CADPS2: variants seen among roughly 807,000 people sequenced by gnomAD.
CADPS2 encodes calcium-dependent secretion activator 2.
A neutral mutation model predicts 172.5 loss-of-function variants in CADPS2; 93 were observed. The observed-to-expected ratio is 0.54, with a 90% CI of 0.46 to 0.64. The LOEUF (loss-of-function observed/expected upper bound fraction) is 0.64, where lower values mean the gene tolerates loss of function less well. CADPS2 is among the 30% of genes least tolerant of loss of function. CADPS2 has a pLI of 0.00. For synonymous variants in CADPS2, 546 were observed against 555.2 expected (o/e 0.98, Z 0.23); for missense variants, 1,420 against 1,565.9 (o/e 0.91, Z 1.57).
Position 122,541,526 on chromosome 7 carries a change from T to A in CADPS2, c.1475+13024A>T, listed in dbSNP as rs896056270. Among the ~76,000 whole-genome samples the A allele has an allele frequency of 5.0e-5, 7 of 140,256 alleles. No individual in the cohort carries two copies. The East Asian group carries it at 8.0e-4, about 16-fold the overall frequency. The allele number at this position is 140,256 out of a possible 152,430, so 92.0% of individuals were successfully genotyped here. On this transcript the variant is annotated intron_variant, in intron 8 of 29. Coordinates refer to ENST00000449022, the MANE Select transcript of CADPS2 (RefSeq NM_017954.11). The stretch of plus-strand genomic sequence containing the variant: ...CAGCCAATTTTTGTTTTTTTTTTTT[T>A]ATGCTTCTCTTATAATTCCATTTTT...
intron 9 of CADPS2, among the ~76,000 whole-genome samples, chr7:122,504,970 AG>A (rs1460145917): frequency 3.3e-5 from 5 of 152,350 alleles, no homozygotes; most frequent in African/African-American, 1.2e-4. Context: ...AGTGAGGAAA[AG>A]TGCTAATACA....
chr7:122,729,833 A>T (rs906545708), intron 2 of CADPS2, among the ~76,000 whole-genome samples: 1 of 151,672 alleles, frequency 6.6e-6, no homozygotes, highest in African/African-American at 2.4e-5. Context: ...AACCTAAATC[A>T]CAGAGGTACT....
chr7:122,570,939 C>T lies in CADPS2; in HGVS notation c.1335+10240G>A, dbSNP rs556318284. Among the ~76,000 whole-genome samples the T allele has an allele frequency of 4.8e-3, 735 of 151,886 alleles. 5 individuals are homozygous for T. Among genetic ancestry groups the T allele is most frequent in the African/African-American group, 0.017 (707 of 41,396 alleles). On this transcript the variant is annotated intron_variant, in intron 7 of 29. Coordinates refer to ENST00000449022, the MANE Select transcript of CADPS2 (RefSeq NM_017954.11). ...AGGAGATATACCTAATGCTAAGTGA[C>T]GAGTTAATGGGTGCAGCACACCAGC...
At chr7:122,863,239 GA>G (rs1817430341) in intron 1 of CADPS2, among the ~76,000 whole-genome samples, 1 of 152,000 alleles carries the variant, frequency 6.6e-6, no homozygotes, top group Non-Finnish European at 1.5e-5. Flanking sequence ...ACATATCTGC[GA>G]AAACTTGCTA....
At chr7:122,561,753 T>C (rs567704328) in intron 7 of CADPS2, among the ~76,000 whole-genome samples, 1 of 152,276 alleles carries the variant, frequency 6.6e-6, no homozygotes, top group South Asian at 2.1e-4. Context: ...TTCTGATACA[T>C]AGTGAACTGA....
At chr7:122,514,365 G>T (rs1250145205) in intron 8 of CADPS2, among the ~76,000 whole-genome samples, 1 of 151,740 alleles carries the variant, frequency 6.6e-6, no homozygotes, top group Non-Finnish European at 1.5e-5. Flanking sequence ...TTATTTAGGG[G>T]CTTAAGATTT....
At chr7:122,569,119 T>C (rs1358577252) in intron 7 of CADPS2, among the ~76,000 whole-genome samples, 9 of 152,146 alleles carry the variant, frequency 5.9e-5, no homozygotes, top group Non-Finnish European at 1.3e-4. Flanking sequence ...CATGATTGTA[T>C]ATCTAGAAAA....
intron 6 of CADPS2, among the ~76,000 whole-genome samples, chr7:122,588,115 T>G (rs1359546897): frequency 6.6e-6 from 1 of 152,100 alleles, no homozygotes; most frequent in Admixed American, 6.6e-5. Flanking sequence ...ATATTAGACC[T>G]TGCTCGAATG....
At chr7:122,878,255 T>A (rs1270444117) in intron 1 of CADPS2, among the ~76,000 whole-genome samples, 2 of 52,176 alleles carry the variant, frequency 3.8e-5, no homozygotes, top group African/African-American at 2.4e-4. Context: ...CGAAACTCCG[T>A]CTCAAGAAAA....
intron 6 of CADPS2, among the ~76,000 whole-genome samples, chr7:122,611,129 C>A (rs1487684088): frequency 1.3e-5 from 2 of 152,032 alleles, no homozygotes; most frequent in African/African-American, 4.8e-5. Context: ...GATCTCAAAT[C>A]AAAAGCCTAA....
chr7:122,674,328 C>T (rs1472115815), intron 2 of CADPS2, among the ~76,000 whole-genome samples: 2 of 152,204 alleles, frequency 1.3e-5, no homozygotes, highest in East Asian at 1.9e-4. Flanking sequence ...GAGTGGACAT[C>T]GAGGCTGAGG....
At chr7:122,347,318 CATA>C (rs1461391429) in intron 27 of CADPS2, among the ~76,000 whole-genome samples, 1 of 151,960 alleles carries the variant, frequency 6.6e-6, no homozygotes, top group African/African-American at 2.4e-5. Context: ...TTTTATATAA[CATA>C]ATAAAATTGA....
At chr7:122,828,688 G>T (rs1466204360) in intron 1 of CADPS2, among the ~76,000 whole-genome samples, 6 of 152,028 alleles carry the variant, frequency 3.9e-5, no homozygotes, top group African/African-American at 1.2e-4. Context: ...TCTTTTTGAA[G>T]AACTTTAGCC....
rs1020243816 is a variant in CADPS2, at chr7:122,667,654, C to G, written c.454-4085G>C. Among the ~76,000 whole-genome samples the G allele has an allele frequency of 3.9e-5, 6 of 152,136 alleles. No individual in the cohort carries two copies. The South Asian group carries it at 1.2e-3, about 32-fold the overall frequency. ...GCGACAGCAGCAATGGAAACCCACACAGAGGGAGAAAAGGCAAAAGAAAAG... is the reference window on the plus strand; with the variant it reads ...GCGACAGCAGCAATGGAAACCCACAGAGAGGGAGAAAAGGCAAAAGAAAAG... On this transcript the variant is annotated intron_variant, in intron 2 of 29. Coordinates refer to ENST00000449022, the MANE Select transcript of CADPS2 (RefSeq NM_017954.11).
intron 7 of CADPS2, among the ~76,000 whole-genome samples, chr7:122,565,540 T>C (rs1236925141): frequency 6.6e-6 from 1 of 152,148 alleles, no homozygotes; most frequent in Admixed American, 6.6e-5. Context: ...TTTCAAAGTT[T>C]TCAGTTTGTC....
chr7:122,500,728 C>T (rs2059127353), intron 9 of CADPS2, among the ~76,000 whole-genome samples: 1 of 152,084 alleles, frequency 6.6e-6, no homozygotes, highest in South Asian at 2.1e-4. Context: ...GAATCAAAAA[C>T]AATAACTTAG....
chr7:122,830,853 T>C (rs529796575), intron 1 of CADPS2, among the ~76,000 whole-genome samples: 1 of 152,264 alleles, frequency 6.6e-6, no homozygotes, highest in Admixed American at 6.5e-5. Flanking sequence ...ATCTCTGGTA[T>C]AAAACCATGA....
chr7:122,593,332 G>C (rs1400185392), intron 6 of CADPS2, among the ~76,000 whole-genome samples: 2 of 151,918 alleles, frequency 1.3e-5, no homozygotes, highest in Admixed American at 6.6e-5. Flanking sequence ...AATAACAAAA[G>C]GAAATAAAAA....
intron 1 of CADPS2, among the ~76,000 whole-genome samples, chr7:122,879,381 CA>C (rs1472011694): frequency 1.3e-5 from 2 of 151,058 alleles, no homozygotes; most frequent in Non-Finnish European, 2.9e-5. Flanking sequence ...ACCAAAAATA[CA>C]AAAATTAGCC....
Sources: allele counts gnomAD v4.1 joint callset (sites outside exome capture counted in the v4.1 genomes callset), GRCh38; gene constraint gnomAD v4.1.1; transcripts MANE v1.5; gene names NCBI Gene and HGNC (gene_info 2026-07-23, HGNC 2026-07-21).